NAF1: variants seen among roughly 807,000 people sequenced by gnomAD.
The protein encoded by NAF1 is H/ACA ribonucleoprotein complex non-core subunit NAF1.
A neutral mutation model predicts 40.6 loss-of-function variants in NAF1; 11 were observed. The observed-to-expected ratio is 0.27, with a 90% CI of 0.17 to 0.45. The LOEUF is 0.45. Ranked by LOEUF, NAF1 falls within the 20% of genes least tolerant of loss-of-function variation. The probability of loss-of-function intolerance (pLI) is 1.00; values close to 1 mark genes in which losing one functional copy is unlikely to be tolerated. For missense variants in NAF1, 607 were observed against 611.1 expected (o/e 0.99, Z 0.07); for synonymous variants, 260 against 228.5 (o/e 1.14, Z -1.24).
At chr4:163,119,011 A>G (rs2110830862) in intron 2 of NAF1, among the ~76,000 whole-genome samples, 1 of 152,354 alleles carries the variant, frequency 6.6e-6, no homozygotes, top group African/African-American at 2.4e-5. Flanking sequence ...TGCAACTATA[A>G]GACTTATATA....
chr4:163,128,440 C>A (rs1730732143), downstream of NAF1, among the ~76,000 whole-genome samples: 1 of 152,066 alleles, frequency 6.6e-6, no homozygotes, highest in Non-Finnish European at 1.5e-5. Flanking sequence ...GTCATTTAAA[C>A]TTACTCACAA....
In NAF1 at chr4:163,166,399, G is replaced by C. The variant is rs143292819; in HGVS notation, c.329C>G (p.Ser110Cys). 2.0e-5 allele frequency: 32 copies of C among 1,607,296 alleles called. No individual in the cohort carries two copies. The highest frequency in any genetic ancestry group is 2.3e-5 in the Non-Finnish European group (27 of 1,176,544). The change falls in exon 1 of 8, where the codon TCC becomes TGC. Residue 110 changes from serine (S) to cysteine (C), a missense_variant. This residue lies in a region of NAF1 where 407 missense variants were observed against 365.5 expected (regional missense o/e 1.11). Coordinates refer to ENST00000274054, the MANE Select transcript of NAF1 (RefSeq NM_138386.3). ...CGAATCCGAGTCCGAGGTCTCCAAG[G>C]AGTCCGGCGCCCGCGCAGGCTCTGC... is the stretch of plus-strand genomic sequence containing the variant. ...GAAEPARAPD[S>C]LETSDSDSDS...
chr4:163,148,114 C>T (rs573406354), intron 3 of NAF1, among the ~76,000 whole-genome samples: 3 of 151,976 alleles, frequency 2.0e-5, no homozygotes, highest in South Asian at 2.1e-4. Flanking sequence ...AAGGAAATTC[C>T]GGAGGAAGTA....
chr4:163,148,538 A>C (rs1731568403), intron 2 of NAF1, 104 bp from the exon 3 acceptor site: 1 of 746,598 alleles, frequency 1.3e-6, no homozygotes, highest in Admixed American at 2.9e-5. Flanking sequence ...AAAATGCTTT[A>C]AGTGCTTAGA....
rs1256653165 is a variant in NAF1, at chr4:163,117,717, A to ACACACACACACACG, written c.115-7428_115-7427insCGTGTGTGTGTGTG. On this transcript the variant is annotated intron_variant, in intron 2 of 2. Coordinates refer to the NAF1 transcript ENST00000509434. ...CACACACACACACACACACACACAC[A>ACACACACACACACG]CGCATGAATACATCATCCATTATTC... Among the ~76,000 whole-genome samples, 3 of 150,910 alleles carry ACACACACACACACG rather than the reference A, an allele frequency of 2.0e-5. No homozygotes were observed. In the East Asian group the frequency reaches 5.8e-4, roughly 29 times the overall value.
chr4:163,157,762 C>A (rs1037122763), intron 2 of NAF1, among the ~76,000 whole-genome samples: 1 of 151,896 alleles, frequency 6.6e-6, no homozygotes, highest in African/African-American at 2.4e-5. Flanking sequence ...TTCAGTTAAG[C>A]AAAATATTCA....
Position 163,143,992 on chromosome 4 carries a change from G to A in NAF1, c.717+1790C>T, listed in dbSNP as rs1234296386. ...TAAGTTACCTTGAAATATGTCATGA[G>A]AACTGAGGGGGTGGGGAACAACACT... On this transcript the variant is annotated intron_variant, in intron 4 of 7. Coordinates refer to ENST00000274054, the MANE Select transcript of NAF1 (RefSeq NM_138386.3). The A allele has an allele frequency of 6.2e-6, 6 of 972,180 alleles. No individual in the cohort carries two copies. In the African/African-American group the frequency reaches 1.1e-4, roughly 17 times the overall value. 60.2% of individuals were successfully genotyped at this position (972,180 alleles called of 1,614,324 possible). A position where few individuals can be genotyped will look rare whatever the true frequency, so the allele number is the denominator to read the frequency against.
chr4:163,143,809 TGA>T (rs1731354653), intron 4 of NAF1, among the ~76,000 whole-genome samples: 1 of 152,152 alleles, frequency 6.6e-6, no homozygotes, highest in Non-Finnish European at 1.5e-5. Flanking sequence ...AATGAGGAAA[TGA>T]ACCTTTACAA....
At chr4:163,114,619 T>C (rs1169709475) in intron 2 of NAF1, among the ~76,000 whole-genome samples, 1 of 152,202 alleles carries the variant, frequency 6.6e-6, no homozygotes, top group Non-Finnish European at 1.5e-5. Context: ...GTTTCCATGT[T>C]GTTAATTCAC....
At chr4:163,112,410 T>G (rs865810235) in intron 2 of NAF1, among the ~76,000 whole-genome samples, 1 of 152,168 alleles carries the variant, frequency 6.6e-6, no homozygotes, top group East Asian at 1.9e-4. Context: ...ATTGGAATAC[T>G]GAACATGTGT....
chr4:163,162,343 G>T (rs1185507186), intron 2 of NAF1, among the ~76,000 whole-genome samples: 4 of 152,114 alleles, frequency 2.6e-5, no homozygotes, highest in African/African-American at 9.7e-5. Context: ...GAGATTTAGG[G>T]CAGACTGGGA....
chr4:163,131,990 T>C (rs907638717), intron 7 of NAF1, among the ~76,000 whole-genome samples: 4 of 152,092 alleles, frequency 2.6e-5, no homozygotes, highest in African/African-American at 9.7e-5. Context: ...ATTAGGAAAA[T>C]GCAAATTAAA....
downstream of NAF1, among the ~76,000 whole-genome samples, chr4:163,122,846 C>T (rs138749166): frequency 4.8e-3 from 727 of 152,264 alleles, 4 homozygotes; most frequent in African/African-American, 0.016. Flanking sequence ...TATTGGACTT[C>T]CCAGACTCCA....
chr4:163,128,341 T>C (rs1358798248), downstream of NAF1, among the ~76,000 whole-genome samples: 1 of 152,146 alleles, frequency 6.6e-6, no homozygotes, highest in Non-Finnish European at 1.5e-5. Context: ...TAATAAATAT[T>C]TTTTACTTTA....
At chr4:163,164,947 T>G (rs1214030575) in intron 1 of NAF1, among the ~76,000 whole-genome samples, 1 of 152,206 alleles carries the variant, frequency 6.6e-6, no homozygotes, top group East Asian at 1.9e-4. Flanking sequence ...TCAGTTTAAA[T>G]TTTGTTTGTT....
At chr4:163,106,735 G>A (rs960981768), downstream of NAF1, among the ~76,000 whole-genome samples, 2 of 151,952 alleles carry the variant, frequency 1.3e-5, no homozygotes, top group Non-Finnish European at 2.9e-5. Context: ...TATGTTTTCT[G>A]AGGTATGTTT....
intron 2 of NAF1, chr4:163,119,958 C>A (rs116578114): frequency 6.6e-6 from 1 of 152,132 alleles, no homozygotes; most frequent in Admixed American, 6.5e-5. Context: ...AACAAATATA[C>A]GAACAATTAT....
downstream of NAF1, among the ~76,000 whole-genome samples, chr4:163,108,241 T>A (rs958221893): frequency 6.6e-6 from 1 of 152,118 alleles, no homozygotes; most frequent in Non-Finnish European, 1.5e-5. Flanking sequence ...TGTAATTGCT[T>A]ATAGGCAGGG....
At chr4:163,107,855 T>A (rs942259898), downstream of NAF1, among the ~76,000 whole-genome samples, 1 of 152,224 alleles carries the variant, frequency 6.6e-6, no homozygotes, top group African/African-American at 2.4e-5. Flanking sequence ...GTAATTACTG[T>A]ATGTATGTCT....
Sources: gnomAD v4.1 joint callset for allele counts (sites outside exome capture counted in the v4.1 genomes callset) on GRCh38, gnomAD v4.1.1 for gene constraint, gnomAD v4.1.1 regional missense constraint, MANE v1.5 for transcripts, NCBI Gene and HGNC (gene_info 2026-07-23, HGNC 2026-07-21) for gene names.